Variants in SVEP1 observed in about 807,000 individuals in gnomAD.
The protein encoded by SVEP1 is sushi, von Willebrand factor type A, EGF and pentraxin domain containing 1, also known as sushi, von Willebrand factor type A, EGF and pentraxin domain-containing protein 1.
SVEP1 carries 164 observed loss-of-function variants against 367.3 expected under a neutral mutation model. The ratio of observed to expected loss-of-function variants is 0.45; its 90% CI spans 0.39 to 0.51. SVEP1 has a LOEUF of 0.51. Among genes scored for constraint, SVEP1 ranks in the 20% least tolerant of loss-of-function variants. The pLI is 0.00. For missense variants in SVEP1, 4,117 were observed against 4,425.3 expected, an observed-to-expected ratio of 0.93 and a Z score of 1.98; for synonymous variants, 1,666 against 1,611.6, an observed-to-expected ratio of 1.03 and a Z score of -0.81.
At chr9:110,521,423 T>A (rs1337086853) in intron 3 of SVEP1, among the ~76,000 whole-genome samples, 2 of 152,184 alleles carry the variant, frequency 1.3e-5, no homozygotes, top group Non-Finnish European at 2.9e-5. Context: ...GATGCCATAT[T>A]GCAAATGTAA....
chr9:110,465,821 C>A (rs752890534), intron 18 of SVEP1, 44 bp downstream of exon 18: 2 of 1,588,320 alleles, frequency 1.3e-6, no homozygotes, highest in East Asian at 2.3e-5. Context: ...ATGCATAGAA[C>A]CTAGTAGGTT....
At chr9:110,423,171 A>AAAAAAAAAAAAG (rs1485203222) in intron 36 of SVEP1, among the ~76,000 whole-genome samples, 1 of 124,102 alleles carries the variant, frequency 8.1e-6, no homozygotes, top group Non-Finnish European at 1.5e-5. Context: ...AATAAAGTAA[A>AAAAAAAAAAAAG]AAAAAAAAAA....
At position 110,411,755 on chromosome 9, in the gene SVEP1, G is replaced by A. The variant is rs377407125; in HGVS notation, c.5976-20C>T. On this transcript the variant is annotated intron_variant, in intron 36 of 47. Coordinates refer to ENST00000374469, the MANE Select transcript of SVEP1 (RefSeq NM_153366.4). ...GTATAGCTGTGAGGTTGGGAAGAAA[G>A]AAAGAATAACTAAGCATAATATTTG... 6.7e-7 allele frequency: 1 copy of A among 1,483,450 alleles called. No homozygotes were observed. Among genetic ancestry groups the A allele is most frequent in the Admixed American group, 2.6e-5 (1 of 38,506 alleles). 91.9% of individuals were successfully genotyped at this position (1,483,450 alleles called of 1,614,324 possible). A position where few individuals can be genotyped will look rare whatever the true frequency, so the allele number is the denominator to read the frequency against.
In SVEP1 at chr9:110,375,433, C is replaced by G. The variant is rs1827335557; in HGVS notation, c.10535G>C (p.Gly3512Ala). The G allele has an allele frequency of 6.9e-7, 1 of 1,450,594 alleles. No homozygotes were observed. The highest frequency in any genetic ancestry group is 9.3e-7 in the Non-Finnish European group (1 of 1,074,704). 89.9% of individuals were successfully genotyped at this position (1,450,594 alleles called of 1,614,324 possible). ...PICILPCLNG[G>A]RCVAPYQCDC... ...ACACTGGTAAGGGGCCACACAGCGA[C>G]CTCCGTTCAGACAGGGAAGAATGCA... Residue 3512 changes from glycine (G) to alanine (A), a missense_variant, in exon 46 of 48, where the codon GGT (glycine) becomes GCT (alanine). Physicochemically the swap from Gly to Ala is moderately conservative, Grantham distance 60. This residue lies in a region of SVEP1 where 1,765 missense variants were observed against 1,781.1 expected (regional missense o/e 0.99). Transcript: ENST00000374469.
rs375893035 is a variant in SVEP1 at position 110,406,970 on chromosome 9, C to G, written c.8630G>C (p.Gly2877Ala). The G allele has an allele frequency of 1.2e-6, 2 of 1,613,976 alleles. No homozygotes were observed. The highest frequency in any genetic ancestry group is 1.7e-6 in the Non-Finnish European group (2 of 1,179,890). The stretch of plus-strand genomic sequence containing the variant: ...GTCGGGAGTGGCTCCACTCCAACTT[C>G]CATTGGCAAGACAAACCCGACTCCT... ...GARSRVCLANGSWSGATPDCV... is the reference protein window; with the variant it reads ...GARSRVCLANASWSGATPDCV... Residue 2877 changes from glycine to alanine, a missense_variant, in exon 38 of 48, where the codon GGA becomes GCA. This residue lies in a region of SVEP1 where 1,765 missense variants were observed against 1,781.1 expected (regional missense o/e 0.99). Coordinates refer to ENST00000374469, the MANE Select transcript of SVEP1 (RefSeq NM_153366.4).
At position 110,394,172 on chromosome 9, in the gene SVEP1, G is replaced by A. The variant is rs573983731; in HGVS notation, c.9823-4585C>T. ...TCTGAGACAAAACTTCCAGAGGAAT[G>A]ATCAGGCAGCAGCATTTGCGGTTCA... is the stretch of plus-strand genomic sequence containing the variant. On this transcript the variant is annotated intron_variant, in intron 40 of 47. Transcript: ENST00000374469. 3.5e-4 allele frequency among the ~76,000 whole-genome samples: 53 copies of A among 151,902 alleles called. 1 individual carries two copies. In the Middle Eastern group the frequency reaches 0.01, roughly 29 times the overall value.
intron 13 of SVEP1, among the ~76,000 whole-genome samples, chr9:110,476,773 C>T (rs10980406): frequency 0.29 from 43,318 of 151,958 alleles, 6,521 homozygotes; most frequent in Admixed American, 0.33. Flanking sequence ...TCTGGAACAT[C>T]TCCCAGAAAA....
intron 16 of SVEP1, among the ~76,000 whole-genome samples, chr9:110,469,502 T>G (rs1828985110): frequency 6.6e-6 from 1 of 152,202 alleles, no homozygotes; most frequent in South Asian, 2.1e-4. Context: ...ATTTTCTTAG[T>G]TGTTTCTCTG....
At chr9:110,485,195 C>T (rs576256887) in intron 9 of SVEP1, among the ~76,000 whole-genome samples, 2 of 152,216 alleles carry the variant, frequency 1.3e-5, no homozygotes, top group Non-Finnish European at 2.9e-5. Flanking sequence ...AAATGCCCAC[C>T]AATGATAAAC....
intron 40 of SVEP1, among the ~76,000 whole-genome samples, chr9:110,393,147 C>T (rs1047654510): frequency 2.0e-5 from 3 of 152,140 alleles, no homozygotes; most frequent in Non-Finnish European, 4.4e-5. Flanking sequence ...GTTTGCTCTA[C>T]ATTTGTTCAT....
At chr9:110,573,056 A>G (rs76291272) in intron 1 of SVEP1, among the ~76,000 whole-genome samples, 3,045 of 152,230 alleles carry the variant, frequency 0.02, 105 homozygotes, top group African/African-American at 0.063. Flanking sequence ...ATTTGGAAAT[A>G]TATCTTTTCA....
At chr9:110,492,061 C>G (rs1404164743) in intron 8 of SVEP1, among the ~76,000 whole-genome samples, 1 of 151,872 alleles carries the variant, frequency 6.6e-6, no homozygotes, top group Non-Finnish European at 1.5e-5. Context: ...TCATTAAATG[C>G]TAGTCTGGAA....
intron 16 of SVEP1, among the ~76,000 whole-genome samples, chr9:110,470,274 G>A (rs1828995695): frequency 6.6e-6 from 1 of 151,932 alleles, no homozygotes; most frequent in Non-Finnish European, 1.5e-5. Context: ...GGGAAGAGAG[G>A]TGATGGTTGC....
At chr9:110,389,479 G>A in intron 41 of SVEP1, 45 bp downstream of exon 41, 2 of 1,597,308 alleles carry the variant, frequency 1.3e-6, no homozygotes, top group Non-Finnish European at 1.7e-6. Flanking sequence ...GTTATTTTGT[G>A]TCCTCAGTGT....
chr9:110,499,811 G>C (rs1354960757), intron 6 of SVEP1, among the ~76,000 whole-genome samples: 1 of 152,210 alleles, frequency 6.6e-6, no homozygotes, highest in Non-Finnish European at 1.5e-5. Context: ...ACTTAATACA[G>C]GGAGTGCATG....
At chr9:110,440,907 T>G (rs538942418) in intron 27 of SVEP1, among the ~76,000 whole-genome samples, 1 of 151,746 alleles carries the variant, frequency 6.6e-6, no homozygotes, top group African/African-American at 2.4e-5. Context: ...GAAGGGGCCA[T>G]GAAAAGGGCA....
At chr9:110,472,019 C>T in intron 15 of SVEP1, 140 bp downstream of exon 15, 1 of 892,510 alleles carries the variant, frequency 1.1e-6, no homozygotes, top group Non-Finnish European at 1.7e-6. Context: ...GATGACAAGG[C>T]TTAGTTAACT....
At chr9:110,514,284 G>A (rs1263335763) in intron 3 of SVEP1, 178 bp from the exon 4 acceptor site, 1 of 722,068 alleles carries the variant, frequency 1.4e-6, no homozygotes, top group Non-Finnish European at 2.3e-6. Flanking sequence ...AGCAGAGGCG[G>A]GTGGATCACC....
At chr9:110,487,374 C>T (rs1276992494) in intron 9 of SVEP1, among the ~76,000 whole-genome samples, 1 of 152,176 alleles carries the variant, frequency 6.6e-6, no homozygotes, top group Admixed American at 6.5e-5. Context: ...ACTCCTGAAC[C>T]ACATTTCCAA....
Sources: gnomAD v4.1 joint callset for allele counts (sites outside exome capture counted in the v4.1 genomes callset) on GRCh38, gnomAD v4.1.1 for gene constraint, gnomAD v4.1.1 regional missense constraint, MANE v1.5 for transcripts, NCBI Gene and HGNC (gene_info 2026-07-23, HGNC 2026-07-21) for gene names.